AFF3: variants seen among roughly 807,000 people sequenced by gnomAD.
AFF3 encodes the protein ALF transcription elongation factor 3.
In AFF3, 32 loss-of-function variants were observed where a neutral mutation model predicts 129.7. The observed-to-expected ratio is 0.25, with a 90% CI of 0.19 to 0.33. AFF3 has a LOEUF of 0.33. AFF3 is among the 10% of genes least tolerant of loss of function. The pLI is 1.00. For missense variants in AFF3, 1,373 were observed against 1,592.0 expected, an observed-to-expected ratio of 0.86 and a Z score of 2.34; for synonymous variants, 644 against 635.4, an observed-to-expected ratio of 1.01 and a Z score of -0.20.
intron 11 of AFF3, among the ~76,000 whole-genome samples, chr2:99,678,912 T>G (rs1453128774): frequency 1.3e-5 from 2 of 152,218 alleles, no homozygotes; most frequent in African/African-American, 4.8e-5. Flanking sequence ...AGTGCTACCA[T>G]CTGCCTGTGG....
At chr2:99,569,073 T>G (rs941882029) in intron 18 of AFF3, among the ~76,000 whole-genome samples, 158 bp from the exon 19 acceptor site, 10 of 152,340 alleles carry the variant, frequency 6.6e-5, no homozygotes, top group Non-Finnish European at 1.3e-4. Flanking sequence ...TGCCTGTATG[T>G]CAAATACCAC....
At chr2:99,837,577 C>T in intron 7 of AFF3, 53 bp from the exon 8 acceptor site, 1 of 1,545,782 alleles carries the variant, frequency 6.5e-7, no homozygotes. Flanking sequence ...GATGACCACA[C>T]AGAAGACATG....
intron 4 of AFF3, among the ~76,000 whole-genome samples, chr2:100,063,060 G>A (rs1687429034): frequency 6.6e-6 from 1 of 152,028 alleles, no homozygotes; most frequent in African/African-American, 2.4e-5. Context: ...GGACCAGCCT[G>A]GCCAACATGG....
At chr2:99,661,367 C>T (rs765693185) in intron 12 of AFF3, among the ~76,000 whole-genome samples, 3 of 152,206 alleles carry the variant, frequency 2.0e-5, no homozygotes, top group Admixed American at 6.6e-5. Context: ...ACAAAAACTT[C>T]GCTTACTTTC....
At chr2:99,738,485 A>C (rs1250730868) in intron 10 of AFF3, among the ~76,000 whole-genome samples, 1 of 152,166 alleles carries the variant, frequency 6.6e-6, no homozygotes, top group Non-Finnish European at 1.5e-5. Context: ...TTTAACACAA[A>C]TAATTTCAAA....
intron 7 of AFF3, among the ~76,000 whole-genome samples, chr2:99,876,998 C>A (rs975452388): frequency 5.9e-5 from 9 of 152,112 alleles, no homozygotes; most frequent in African/African-American, 2.2e-4. Context: ...TGGAGTGTTG[C>A]TGGACATAAG....
chr2:99,964,744 G>T (rs1387542913), intron 7 of AFF3, among the ~76,000 whole-genome samples: 1 of 152,116 alleles, frequency 6.6e-6, no homozygotes, highest in African/African-American at 2.4e-5. Context: ...TATGCACCAT[G>T]ATTTATTTAG....
intron 11 of AFF3, among the ~76,000 whole-genome samples, chr2:99,724,562 C>T (rs759116383): frequency 1.1e-4 from 16 of 151,940 alleles, no homozygotes; most frequent in Admixed American, 2.6e-4. Context: ...TGTGAGACAC[C>T]GCACCTGGCC....
intron 19 of AFF3, among the ~76,000 whole-genome samples, chr2:99,568,213 G>A (rs1676155475): frequency 6.6e-6 from 1 of 152,192 alleles, no homozygotes; most frequent in Non-Finnish European, 1.5e-5. Context: ...TACTAGGTGG[G>A]AAGATGTCCC....
At chr2:99,991,143 G>T (rs895060272) in intron 7 of AFF3, among the ~76,000 whole-genome samples, 1 of 152,066 alleles carries the variant, frequency 6.6e-6, no homozygotes, top group Non-Finnish European at 1.5e-5. Context: ...CAGGGAGAAG[G>T]GATTAACAGA....
chr2:99,877,154 C>A lies in AFF3; in HGVS notation c.874-39630G>T, dbSNP rs150648161. 5.3e-3 allele frequency among the ~76,000 whole-genome samples: 804 copies of A among 152,256 alleles called. 5 individuals carry two copies. Among genetic ancestry groups the A allele is most frequent in the Non-Finnish European group, 9.4e-3 (637 of 68,020 alleles). ...CTCCCACCATTCTTGGGAAACATTC[C>A]TTAAGGACAATCATGGGAATCAGCT... On this transcript the variant is annotated intron_variant, in intron 7 of 24. Coordinates refer to ENST00000672756, the MANE Select transcript of AFF3 (RefSeq NM_001386135.1).
intron 8 of AFF3, among the ~76,000 whole-genome samples, chr2:99,819,281 A>G (rs113487924): frequency 1.3e-5 from 2 of 152,372 alleles, no homozygotes; most frequent in African/African-American, 4.8e-5. Flanking sequence ...TTCTTCAGGG[A>G]AGTCTGCTAT....
chr2:99,869,627 T>C (rs1421557539), intron 7 of AFF3, among the ~76,000 whole-genome samples: 1 of 152,148 alleles, frequency 6.6e-6, no homozygotes, highest in African/African-American at 2.4e-5. Flanking sequence ...ACAGCCACTA[T>C]TGTGCGTCCT....
chr2:99,682,321 T>C (rs1214176139), intron 11 of AFF3, among the ~76,000 whole-genome samples: 1 of 152,228 alleles, frequency 6.6e-6, no homozygotes, highest in Non-Finnish European at 1.5e-5. Context: ...TAATGCATTA[T>C]GTTGGAATTT....
At chr2:99,847,031 G>A (rs974504840) in intron 7 of AFF3, among the ~76,000 whole-genome samples, 3 of 152,164 alleles carry the variant, frequency 2.0e-5, no homozygotes, top group South Asian at 2.1e-4. Flanking sequence ...GCTTATCTGA[G>A]AGGTGGGAGC....
At chr2:99,864,655 C>A (rs915892190) in intron 7 of AFF3, among the ~76,000 whole-genome samples, 1 of 152,088 alleles carries the variant, frequency 6.6e-6, no homozygotes, top group Admixed American at 6.5e-5. Flanking sequence ...GACTGGTACC[C>A]GACAAACCAA....
At chr2:100,039,984 A>G (rs886908421) in intron 4 of AFF3, among the ~76,000 whole-genome samples, 2 of 152,122 alleles carry the variant, frequency 1.3e-5, no homozygotes, top group African/African-American at 4.8e-5. Flanking sequence ...CATCTTAATC[A>G]TTCTTTCTTA....
intron 8 of AFF3, among the ~76,000 whole-genome samples, chr2:99,824,942 T>C (rs1395554680): frequency 6.6e-6 from 1 of 152,196 alleles, no homozygotes; most frequent in Non-Finnish European, 1.5e-5. Flanking sequence ...GGTTAGCGAT[T>C]GTGAAATTAT....
intron 4 of AFF3, among the ~76,000 whole-genome samples, chr2:100,100,184 GA>G (rs1465313086): frequency 9.7e-6 from 1 of 103,156 alleles, no homozygotes; most frequent in Non-Finnish European, 2.0e-5. Context: ...GGGAAGATCA[GA>G]ATATTTATTA....
Sources: allele counts gnomAD v4.1 joint callset (sites outside exome capture counted in the v4.1 genomes callset), GRCh38; gene constraint gnomAD v4.1.1; transcripts MANE v1.5; gene names NCBI Gene and HGNC (gene_info 2026-07-23, HGNC 2026-07-21).